Variants in MACF1 observed in about 807,000 individuals in gnomAD.
MACF1 encodes the protein microtubule actin crosslinking factor 1, also known as microtubule-actin cross-linking factor 1.
MACF1 carries 193 observed loss-of-function variants against 854.8 expected under a neutral mutation model. The observed-to-expected ratio is 0.23, with a 90% confidence interval of 0.20 to 0.25. The LOEUF is 0.25. MACF1 is among the 10% of genes least tolerant of loss of function. The pLI, the probability that MACF1 is intolerant of heterozygous loss-of-function variation, is 1.00. For synonymous variants in MACF1, 3,185 were observed against 3,226.7 expected, an observed-to-expected ratio of 0.99 and a Z score of 0.44; for missense variants, 7,722 against 8,929.1, an observed-to-expected ratio of 0.86 and a Z score of 5.45.
chr1:39,105,560 C>T lies in MACF1; in HGVS notation c.220+21122C>T. 1 of 1,080,730 alleles carries T rather than the reference C, an allele frequency of 9.3e-7. No individual in the cohort carries two copies. Among genetic ancestry groups the T allele is most frequent in the Non-Finnish European group, 1.1e-6 (1 of 888,366 alleles). The allele number at this position is 1,080,730 out of a possible 1,614,324, so 66.9% of individuals were successfully genotyped here. ...AGGGTCGAGGCTGGGGCCGCCGCCG[C>T]CTCAGCGCGCGGGCCTGGAACCGGC... On this transcript the variant is annotated intron_variant, in intron 2 of 93. Coordinates refer to the MACF1 transcript ENST00000361689. The surrounding 1 kb of genome is among the most constrained non-coding windows in gnomAD (Gnocchi z 5.9).
chr1:39,344,584 C>T (rs1647006332), intron 40 of MACF1, among the ~76,000 whole-genome samples: 2 of 152,242 alleles, frequency 1.3e-5, no homozygotes, highest in African/African-American at 4.8e-5. Context: ...TACGTTTCTC[C>T]TCCCCTGATT....
At chr1:39,438,340 T>C (rs1263908120) in intron 71 of MACF1, among the ~76,000 whole-genome samples, 2 of 152,230 alleles carry the variant, frequency 1.3e-5, no homozygotes, top group Non-Finnish European at 2.9e-5. Context: ...CACAGAACAC[T>C]GGAAACAAGA....
At chr1:39,273,711 C>A (rs1441023029) in intron 6 of MACF1, among the ~76,000 whole-genome samples, 1 of 152,102 alleles carries the variant, frequency 6.6e-6, no homozygotes, top group Non-Finnish European at 1.5e-5. Context: ...CATTCTCCTG[C>A]CTCAGAGTAG....
chr1:39,109,607 T>C (rs1642341957), intron 2 of MACF1, among the ~76,000 whole-genome samples: 1 of 152,086 alleles, frequency 6.6e-6, no homozygotes. Context: ...CTCTCCTTTT[T>C]TTTTTTTCTA....
rs1284701387 is a variant in MACF1 at position 39,231,243 on chromosome 1, G to A, written c.171G>A (p.Lys57=). ...AGTGGGTCAACAAGCACTTAATGAAGGTAGGACCCTTTCATATATATGCTG... is the reference window on the plus strand; with the variant it reads ...AGTGGGTCAACAAGCACTTAATGAAAGTAGGACCCTTTCATATATATGCTG... ...FTKWVNKHLM[K]VRKHINDLYE... Residue 57 remains lysine, a splice_region_variant and synonymous_variant, in exon 2 of 101, where the codon AAG becomes AAA. Coordinates refer to ENST00000564288, the MANE Select transcript of MACF1 (RefSeq NM_001394062.1). 6.2e-7 allele frequency: 1 copy of A among 1,613,790 alleles called. No individual in the cohort carries two copies. The highest frequency in any genetic ancestry group is 8.5e-7 in the Non-Finnish European group (1 of 1,179,786).
intron 2 of MACF1, among the ~76,000 whole-genome samples, chr1:39,195,231 C>T (rs1037405224): frequency 3.3e-5 from 5 of 152,042 alleles, no homozygotes; most frequent in African/African-American, 1.2e-4. Context: ...CACTTGTTCT[C>T]GGTTGTATGT....
rs542608960 is a variant in MACF1 at position 39,277,082 on chromosome 1, G to T, written c.529-5126G>T. On this transcript the variant is annotated intron_variant, in intron 6 of 100. Coordinates refer to ENST00000564288, the MANE Select transcript of MACF1 (RefSeq NM_001394062.1). Reference sequence around the variant, plus strand: ...AGCCTTAACATTAAAATTTTTTTTTGAATCACTCACATTGCATATGAAACA... The same window carrying T: ...AGCCTTAACATTAAAATTTTTTTTTTAATCACTCACATTGCATATGAAACA... 2.5e-4 allele frequency among the ~76,000 whole-genome samples: 38 copies of T among 149,180 alleles called. 1 individual carries two copies. The highest frequency in any genetic ancestry group is 6.3e-4 in the South Asian group (3 of 4,738).
intron 22 of MACF1, among the ~76,000 whole-genome samples, chr1:39,301,806 C>T (rs148710299): frequency 3.3e-5 from 5 of 152,120 alleles, no homozygotes; most frequent in African/African-American, 1.2e-4. Flanking sequence ...GGGAAAAAGC[C>T]GAAACTCCTT....
rs1315154993 is a variant in MACF1, at chr1:39,133,841, G to GA, written c.220+49403_220+49404insA. ...TGCTTTTTCTTAAATAAATTATTAG[G>GA]TTTCTTCTTGACCTTGAAGAAGTCC... On this transcript the variant is annotated intron_variant, in intron 2 of 93. Transcript: ENST00000361689. 2.0e-5 allele frequency among the ~76,000 whole-genome samples: 3 copies of GA among 151,832 alleles called. No individual in the cohort carries two copies. The East Asian group carries it at 5.8e-4, about 29-fold the overall frequency.
In MACF1 at chr1:39,441,059, T is replaced by G. The variant is rs1570094163; in HGVS notation, c.18504T>G (p.Leu6168=). 2 of 1,614,214 alleles carry G rather than the reference T, an allele frequency of 1.2e-6. No individual in the cohort carries two copies. Among genetic ancestry groups the G allele is most frequent in the East Asian group, 4.5e-5 (2 of 44,884 alleles). Residue 6168 remains leucine (L), a synonymous_variant, in exon 73 of 101, where the codon CTT becomes CTG. Coordinates refer to ENST00000564288, the MANE Select transcript of MACF1 (RefSeq NM_001394062.1). ...LHEELEFIRI[L]GADLIFACGE... ...AAGAGCTGGAGTTTATTCGGATCCT[T>G]GGAGCAGATTTGATTTTTGCCTGTG...
chr1:39,410,375 C>T, intron 58 of MACF1: 2 of 1,613,842 alleles, frequency 1.2e-6, no homozygotes, highest in African/African-American at 1.3e-5. Context: ...CCACAACGGT[C>T]TATATATGAT....
chr1:39,468,551 T>C, intron 95 of MACF1, 64 bp from the exon 96 acceptor site: 1 of 1,317,956 alleles, frequency 7.6e-7, no homozygotes, highest in Non-Finnish European at 1.1e-6. Flanking sequence ...CAGTCTGCTT[T>C]GGGAGAAAAA....
intron 2 of MACF1, among the ~76,000 whole-genome samples, chr1:39,135,372 G>A (rs1253714991): frequency 2.0e-5 from 3 of 151,980 alleles, no homozygotes; most frequent in South Asian, 2.1e-4. Context: ...TCAGCCTTCC[G>A]AGTAGCTGGG....
rs1054536965 is a variant in MACF1, at chr1:39,233,007, T to G, written c.171+1764T>G. Among the ~76,000 whole-genome samples, 11 of 139,514 alleles carry G rather than the reference T, an allele frequency of 7.9e-5. No homozygotes were observed. In the South Asian group the frequency reaches 1.0e-3, roughly 13 times the overall value. 91.5% of individuals were successfully genotyped at this position (139,514 alleles called of 152,430 possible). ...CTGTGCTGCCCAGGTCTTTCTTGTTTTTGTTGTTGTTGTTGTTGTTGTTGT... is the reference window on the plus strand; with the variant it reads ...CTGTGCTGCCCAGGTCTTTCTTGTTGTTGTTGTTGTTGTTGTTGTTGTTGT... On this transcript the variant is annotated intron_variant, in intron 2 of 100. Coordinates refer to ENST00000564288, the MANE Select transcript of MACF1 (RefSeq NM_001394062.1).
intron 94 of MACF1, 100 bp downstream of exon 94, chr1:39,463,786 C>T (rs1386929305): frequency 9.7e-6 from 10 of 1,033,182 alleles, no homozygotes; most frequent in South Asian, 1.3e-5. Context: ...GCCCATCGGA[C>T]TTGAGATGTG....
At chr1:39,431,694 A>G (rs1331004489) in intron 66 of MACF1, among the ~76,000 whole-genome samples, 1 of 152,178 alleles carries the variant, frequency 6.6e-6, no homozygotes, top group Non-Finnish European at 1.5e-5. Context: ...GAGGTCAGGC[A>G]TAGGAGACTG....
chr1:39,134,072 G>A (rs1162357199), intron 2 of MACF1, among the ~76,000 whole-genome samples: 1 of 114,124 alleles, frequency 8.8e-6, no homozygotes. Context: ...ATGGGGTCTC[G>A]CTCTGTCCGC....
At chr1:39,408,592 C>T (rs984499043) in intron 58 of MACF1, among the ~76,000 whole-genome samples, 1 of 149,004 alleles carries the variant, frequency 6.7e-6, no homozygotes, top group Non-Finnish European at 1.5e-5. Flanking sequence ...TTTCTGGATT[C>T]GTTCGCCTTT....
At chr1:39,217,641 G>A (rs1316430974) in intron 1 of MACF1, among the ~76,000 whole-genome samples, 2 of 152,070 alleles carry the variant, frequency 1.3e-5, no homozygotes, top group African/African-American at 4.8e-5. Flanking sequence ...CACTTTGGGA[G>A]GCCAAGGAGG....
Sources: allele counts gnomAD v4.1 joint callset (sites outside exome capture counted in the v4.1 genomes callset), GRCh38; gene constraint gnomAD v4.1.1; non-coding constraint Gnocchi (gnomAD v3.1); transcripts MANE v1.5; gene names NCBI Gene and HGNC (gene_info 2026-07-23, HGNC 2026-07-21).